Variants in ANKRD55 observed in about 807,000 individuals in gnomAD.
ANKRD55 encodes ankyrin repeat domain-containing protein 55.
A neutral mutation model predicts 60.6 loss-of-function variants in ANKRD55; 41 were observed. The ratio of observed to expected loss-of-function variants is 0.68; its 90% CI spans 0.53 to 0.88. The LOEUF is 0.88. ANKRD55 is among the 40% of genes least tolerant of loss of function. The pLI is 0.00. For synonymous variants in ANKRD55, 264 were observed against 290.3 expected (o/e 0.91, Z 0.92); for missense variants, 732 against 767.6 (o/e 0.95, Z 0.55).
chr5:56,181,680 T>C (rs1483214038), intron 3 of ANKRD55, among the ~76,000 whole-genome samples: 2 of 152,132 alleles, frequency 1.3e-5, no homozygotes, highest in African/African-American at 4.8e-5. Context: ...AACCTCCGCC[T>C]CCCGGTTCAA....
At chr5:56,219,445 C>T (rs976078105) in intron 2 of ANKRD55, among the ~76,000 whole-genome samples, 4 of 152,106 alleles carry the variant, frequency 2.6e-5, no homozygotes, top group African/African-American at 9.7e-5. Flanking sequence ...TAAGAATAGG[C>T]TCATTAATGA....
intron 9 of ANKRD55, among the ~76,000 whole-genome samples, chr5:56,112,516 A>AAAAACAAAAAAAAAAAAACAAAAG: frequency 6.7e-6 from 1 of 149,098 alleles, no homozygotes; most frequent in African/African-American, 2.4e-5. Context: ...AAAAAAAAAA[A>AAAAACAAAAAAAAAAAAACAAAAG]AAAAAACAAC....
chr5:56,209,419 G>A (rs1236248960), intron 2 of ANKRD55, among the ~76,000 whole-genome samples: 1 of 150,856 alleles, frequency 6.6e-6, no homozygotes, highest in Non-Finnish European at 1.5e-5. Flanking sequence ...GTGATTATAA[G>A]TTCTGTTGCT....
At chr5:56,131,730 A>T (rs1026268570) in intron 7 of ANKRD55, among the ~76,000 whole-genome samples, 1 of 132,144 alleles carries the variant, frequency 7.6e-6, no homozygotes, top group Non-Finnish European at 1.6e-5. Flanking sequence ...CGGGAGGCAG[A>T]GGTTGCAGTG....
intron 2 of ANKRD55, among the ~76,000 whole-genome samples, chr5:56,209,283 C>T (rs1317716976): frequency 2.6e-5 from 4 of 151,906 alleles, no homozygotes; most frequent in Non-Finnish European, 5.9e-5. Flanking sequence ...TAAACATTTA[C>T]CCATGTCATA....
intron 2 of ANKRD55, among the ~76,000 whole-genome samples, chr5:56,230,037 A>T (rs1760211896): frequency 2.0e-5 from 3 of 152,104 alleles, no homozygotes; most frequent in Admixed American, 6.6e-5. Flanking sequence ...CACTGCAGTT[A>T]AACTGGAATC....
intron 2 of ANKRD55, among the ~76,000 whole-genome samples, chr5:56,187,751 C>T (rs1389729268): frequency 6.6e-6 from 1 of 152,208 alleles, no homozygotes; most frequent in African/African-American, 2.4e-5. Context: ...AGGTTCTCTT[C>T]CGTGACCCAC....
At chr5:56,231,301 A>T (rs1760244921) in intron 2 of ANKRD55, among the ~76,000 whole-genome samples, 1 of 152,186 alleles carries the variant, frequency 6.6e-6, no homozygotes, top group South Asian at 2.1e-4. Context: ...GTTAAAAGAA[A>T]ATCAGTCTTG....
chr5:56,112,440 G>T, intron 9 of ANKRD55, among the ~76,000 whole-genome samples: 1 of 138,714 alleles, frequency 7.2e-6, no homozygotes, highest in African/African-American at 2.7e-5. Flanking sequence ...GCTGAGGCAG[G>T]AGGATCACTT....
At chr5:56,173,027 T>G (rs1470311236) in intron 4 of ANKRD55, among the ~76,000 whole-genome samples, 1 of 152,184 alleles carries the variant, frequency 6.6e-6, no homozygotes, top group African/African-American at 2.4e-5. Flanking sequence ...CCCACCATGG[T>G]CACTCACCAG....
intron 6 of ANKRD55, 123 bp from the exon 7 acceptor site, chr5:56,144,052 TCATTCATTCATTCATTAATC>T: frequency 8.9e-7 from 1 of 1,121,778 alleles, no homozygotes; most frequent in East Asian, 2.4e-5. Context: ...TCCTGCTGGT[TCATTCATTCATTCATTAATC>T]CATTCATTCC....
intron 2 of ANKRD55, among the ~76,000 whole-genome samples, chr5:56,232,033 T>C (rs1380636640): frequency 2.6e-5 from 4 of 152,298 alleles, no homozygotes; most frequent in South Asian, 2.1e-4. Flanking sequence ...GTTTAAATAA[T>C]AGATATTTAA....
intron 10 of ANKRD55, among the ~76,000 whole-genome samples, chr5:56,106,420 CT>C (rs71602938): frequency 2.5e-3 from 245 of 96,894 alleles, no homozygotes; most frequent in East Asian, 0.011. Flanking sequence ...GCTAGGAAAG[CT>C]TTTTTTTTTT....
At chr5:56,192,083 A>G (rs1759107292) in intron 2 of ANKRD55, among the ~76,000 whole-genome samples, 1 of 151,870 alleles carries the variant, frequency 6.6e-6, no homozygotes, top group Non-Finnish European at 1.5e-5. Flanking sequence ...AACAAACAAT[A>G]CCTCAGTCCT....
rs1757536220 is a variant in ANKRD55, at chr5:56,135,270, C to G, written c.613-8164G>C. Among the ~76,000 whole-genome samples the G allele has an allele frequency of 4.4e-5, 5 of 113,774 alleles. No individual in the cohort carries two copies. In the South Asian group the frequency reaches 1.0e-3, roughly 24 times the overall value. 74.6% of individuals were successfully genotyped at this position (113,774 alleles called of 152,430 possible). ...TCCTTCCTTCCTTCCTTCTTTCCCT[C>G]CCTCCCTCCCTGCCTGCCTGCTTGC... On this transcript the variant is annotated intron_variant, in intron 7 of 11. Coordinates refer to ENST00000341048, the MANE Select transcript of ANKRD55 (RefSeq NM_024669.3).
At chr5:56,168,562 C>T (rs985645936) in intron 5 of ANKRD55, among the ~76,000 whole-genome samples, 5 of 152,268 alleles carry the variant, frequency 3.3e-5, no homozygotes, top group Admixed American at 1.3e-4. Flanking sequence ...TCTCTTACTG[C>T]GCCTAATTTG....
At chr5:56,215,455 G>T (rs185696128) in intron 2 of ANKRD55, among the ~76,000 whole-genome samples, 1 of 152,328 alleles carries the variant, frequency 6.6e-6, no homozygotes, top group Admixed American at 6.5e-5. Flanking sequence ...GGGAAGCCCA[G>T]CCCAGTGGAG....
chr5:56,142,625 C>G (rs1253066447), intron 7 of ANKRD55, among the ~76,000 whole-genome samples: 1 of 152,212 alleles, frequency 6.6e-6, no homozygotes, highest in Non-Finnish European at 1.5e-5. Context: ...TCTGGTGCCA[C>G]TTTCATCTCA....
rs1249140699 is a variant in ANKRD55 at position 56,114,006 on chromosome 5, A to G, written c.966-2224T>C. 5.6e-5 allele frequency among the ~76,000 whole-genome samples: 8 copies of G among 144,024 alleles called. No individual in the cohort carries two copies. In the East Asian group the frequency reaches 1.6e-3, roughly 28 times the overall value. The allele number at this position is 144,024 out of a possible 152,430, so 94.5% of individuals were successfully genotyped here. A position where few individuals can be genotyped will look rare whatever the true frequency, so the allele number is the denominator to read the frequency against. On this transcript the variant is annotated intron_variant, in intron 9 of 11. Coordinates refer to ENST00000341048, the MANE Select transcript of ANKRD55 (RefSeq NM_024669.3). ...GTATACTATATATATATATATATAT[A>G]TATATATATACAATAAAAATATATT...
Sources: gnomAD v4.1 joint callset for allele counts (sites outside exome capture counted in the v4.1 genomes callset) on GRCh38, gnomAD v4.1.1 for gene constraint, MANE v1.5 for transcripts, NCBI Gene and HGNC (gene_info 2026-07-23, HGNC 2026-07-21) for gene names.